Variants in NCK2 observed in about 807,000 individuals in gnomAD.
NCK2 encodes NCK adaptor protein 2.
Under a neutral mutation model 33.9 loss-of-function variants are expected in NCK2, and 16 were observed. The ratio of observed to expected loss-of-function variants is 0.47; its 90% CI spans 0.32 to 0.72. The LOEUF (loss-of-function observed/expected upper bound fraction) is 0.72, where lower values mean the gene tolerates loss of function less well. Among genes scored for constraint, NCK2 ranks in the 30% least tolerant of loss-of-function variants. The pLI is 0.03. For synonymous variants in NCK2, 273 were observed against 239.9 expected, an observed-to-expected ratio of 1.14 and a Z score of -1.27; for missense variants, 418 against 537.3, an observed-to-expected ratio of 0.78 and a Z score of 2.19.
At chr2:105,841,902 G>A (rs1036483972) in intron 2 of NCK2, among the ~76,000 whole-genome samples, 2 of 152,184 alleles carry the variant, frequency 1.3e-5, no homozygotes, top group Admixed American at 6.5e-5. Flanking sequence ...TTCAGAGAGG[G>A]GAAGGGAGCT....
intron 3 of NCK2, among the ~76,000 whole-genome samples, chr2:105,871,862 A>G (rs532934278): frequency 1.7e-4 from 26 of 152,276 alleles, no homozygotes; most frequent in African/African-American, 5.1e-4. Flanking sequence ...CCTAAGGTCA[A>G]TTAGGACCTT....
intron 2 of NCK2, among the ~76,000 whole-genome samples, chr2:105,844,097 C>T (rs561538718): frequency 3.9e-5 from 6 of 152,308 alleles, no homozygotes; most frequent in African/African-American, 1.4e-4. Context: ...CAGAAGGTCC[C>T]CCACTTAGGA....
intron 2 of NCK2, among the ~76,000 whole-genome samples, chr2:105,845,252 T>G (rs760685033): frequency 6.6e-6 from 1 of 152,250 alleles, no homozygotes; most frequent in African/African-American, 2.4e-5. Context: ...TAAAAATCAC[T>G]GTGCTTCTTG....
rs113713763 is a variant in NCK2, at chr2:105,893,205, G to A, written c.*29G>A. On this transcript the variant is annotated 3_prime_UTR_variant, in exon 5 of 5. Coordinates refer to ENST00000233154, the MANE Select transcript of NCK2 (RefSeq NM_003581.5). Reference sequence around the variant, plus strand: ...CGCCCCGGCCCCACACTCGCCTCCCGGGCCCCACGGTGGAGCTGCCCGCCC... The same window carrying A: ...CGCCCCGGCCCCACACTCGCCTCCCAGGCCCCACGGTGGAGCTGCCCGCCC... 3.9e-6 allele frequency: 6 copies of A among 1,545,812 alleles called. No homozygotes were observed. In the African/African-American group the frequency reaches 6.8e-5, roughly 18 times the overall value.
intron 1 of NCK2, among the ~76,000 whole-genome samples, chr2:105,799,172 T>A (rs1243697739): frequency 1.3e-5 from 2 of 152,182 alleles, no homozygotes; most frequent in Admixed American, 6.5e-5. Context: ...GTCTTTGGAA[T>A]CTATCTGTGG....
At chr2:105,762,816 C>T (rs576242687) in intron 1 of NCK2, among the ~76,000 whole-genome samples, 3 of 152,274 alleles carry the variant, frequency 2.0e-5, no homozygotes, top group Non-Finnish European at 2.9e-5. Context: ...TAAGGAAATA[C>T]GTAGATTACT....
At chr2:105,818,841 GCTA>G in intron 2 of NCK2, among the ~76,000 whole-genome samples, 1 of 152,252 alleles carries the variant, frequency 6.6e-6, no homozygotes, top group East Asian at 1.9e-4. Context: ...TACTTGGTCT[GCTA>G]CTACTACAAA....
At chr2:105,747,777 C>T (rs1340194312) in intron 1 of NCK2, among the ~76,000 whole-genome samples, 1 of 152,288 alleles carries the variant, frequency 6.6e-6, no homozygotes, top group Middle Eastern at 3.4e-3. Flanking sequence ...CTTCACGGCA[C>T]GTTTTCAAAG....
chr2:105,846,434 C>T (rs1676856196), intron 2 of NCK2: 1 of 150,796 alleles, frequency 6.6e-6, no homozygotes, highest in African/African-American at 2.4e-5. Flanking sequence ...TGAGGGGTAA[C>T]CTGATCCTGG....
intron 1 of NCK2, among the ~76,000 whole-genome samples, chr2:105,749,636 C>T (rs1689389273): frequency 6.6e-6 from 1 of 152,062 alleles, no homozygotes; most frequent in Admixed American, 6.5e-5. Flanking sequence ...ACACAGTGTC[C>T]TTGGGTATCT....
chr2:105,778,295 G>A (rs1690377816), intron 1 of NCK2, among the ~76,000 whole-genome samples: 1 of 152,184 alleles, frequency 6.6e-6, no homozygotes, highest in Non-Finnish European at 1.5e-5. Flanking sequence ...ACATCCTGGA[G>A]GCATGTGTCT....
In NCK2 at chr2:105,794,343, T is replaced by G. The variant is rs559351315; in HGVS notation, c.-200-22087T>G. ...CTAGGATTACAGGCATGCGCCACCATGCCTGGCTGAATCCTTTGATTTTAT... is the reference window on the plus strand; with the variant it reads ...CTAGGATTACAGGCATGCGCCACCAGGCCTGGCTGAATCCTTTGATTTTAT... On this transcript the variant is annotated intron_variant, in intron 1 of 4. Coordinates refer to ENST00000233154, the MANE Select transcript of NCK2 (RefSeq NM_003581.5). 3.2e-3 allele frequency among the ~76,000 whole-genome samples: 494 copies of G among 152,264 alleles called. 2 individuals are homozygous for G. Among genetic ancestry groups the G allele is most frequent in the South Asian group, 5.6e-3 (27 of 4,828 alleles).
chr2:105,823,712 G>T (rs1025105772), intron 2 of NCK2, among the ~76,000 whole-genome samples: 4 of 151,980 alleles, frequency 2.6e-5, no homozygotes, highest in African/African-American at 9.7e-5. Context: ...AAGGTCCGTG[G>T]CCATGGAGGC....
At chr2:105,806,328 C>G (rs1305416039) in intron 1 of NCK2, among the ~76,000 whole-genome samples, 1 of 150,840 alleles carries the variant, frequency 6.6e-6, no homozygotes, top group East Asian at 1.9e-4. Context: ...AGCTCCGCCT[C>G]CCGGGTTCAC....
chr2:105,827,393 A>G (rs1228369122), intron 2 of NCK2, among the ~76,000 whole-genome samples: 2 of 152,198 alleles, frequency 1.3e-5, no homozygotes, highest in African/African-American at 2.4e-5. Context: ...AGACATACCC[A>G]TGATTATACT....
At chr2:105,756,017 C>T (rs553682244) in intron 1 of NCK2, among the ~76,000 whole-genome samples, 1 of 152,352 alleles carries the variant, frequency 6.6e-6, no homozygotes, top group Non-Finnish European at 1.5e-5. Context: ...GGCTGTTAGT[C>T]GCTGACTTCC....
chr2:105,815,896 G>A (rs758153248), intron 1 of NCK2, among the ~76,000 whole-genome samples: 3 of 152,126 alleles, frequency 2.0e-5, no homozygotes, highest in African/African-American at 7.2e-5. Flanking sequence ...TTAAAGGTGG[G>A]GCTCATTGGG....
At chr2:105,843,314 G>A (rs1403676664) in intron 2 of NCK2, among the ~76,000 whole-genome samples, 2 of 150,942 alleles carry the variant, frequency 1.3e-5, no homozygotes, top group Non-Finnish European at 2.9e-5. Flanking sequence ...TAGTGCTCAA[G>A]TTTTGGATTC....
chr2:105,875,314 G>A (rs972147110), intron 3 of NCK2, among the ~76,000 whole-genome samples: 1 of 151,950 alleles, frequency 6.6e-6, no homozygotes, highest in African/African-American at 2.4e-5. Flanking sequence ...CCTGTGTAGA[G>A]CAAACAGAAC....
Sources: allele counts gnomAD v4.1 joint callset (sites outside exome capture counted in the v4.1 genomes callset), GRCh38; gene constraint gnomAD v4.1.1; transcripts MANE v1.5; gene names NCBI Gene and HGNC (gene_info 2026-07-23, HGNC 2026-07-21).